The following KLHL1 variants were observed in gnomAD, a reference collection of about 807,000 sequenced individuals.
The protein encoded by KLHL1 is kelch like family member 1.
In KLHL1, 47 loss-of-function variants were observed where a neutral mutation model predicts 77.7. The observed-to-expected ratio is 0.60, with a 90% confidence interval of 0.48 to 0.77. The LOEUF is 0.77. KLHL1 is among the 30% of genes least tolerant of loss of function. KLHL1 has a pLI of 0.00. For synonymous variants in KLHL1, 360 were observed against 325.2 expected (o/e 1.11, Z -1.15); for missense variants, 925 against 910.8 (o/e 1.02, Z -0.20).
intron 1 of KLHL1, among the ~76,000 whole-genome samples, chr13:69,979,414 T>C (rs1884643794): frequency 6.6e-6 from 1 of 152,114 alleles, no homozygotes; most frequent in Non-Finnish European, 1.5e-5. Context: ...AGAATTTTAA[T>C]ATGAATTTTC....
chr13:69,885,018 G>A (rs1417576525), intron 4 of KLHL1, among the ~76,000 whole-genome samples: 1 of 140,234 alleles, frequency 7.1e-6, no homozygotes, highest in Admixed American at 7.2e-5. Context: ...TCGGCTCACT[G>A]CAAGCTCCGC....
intron 1 of KLHL1, among the ~76,000 whole-genome samples, chr13:70,080,874 G>A (rs532091613): frequency 9.2e-4 from 140 of 152,122 alleles, no homozygotes; most frequent in African/African-American, 3.2e-3. Flanking sequence ...GTGCTGGGAC[G>A]TGAGCCACCA....
In KLHL1 at chr13:69,774,671, AAC is replaced by A. The variant is rs200445733; in HGVS notation, c.1639+22065_1639+22066del. Among the ~76,000 whole-genome samples, 5 of 141,998 alleles carry A rather than the reference AAC, an allele frequency of 3.5e-5. No homozygotes were observed. In the East Asian group the frequency reaches 6.3e-4, roughly 18 times the overall value. The allele number at this position is 141,998 out of a possible 152,430, so 93.2% of individuals were successfully genotyped here. A position where few individuals can be genotyped will look rare whatever the true frequency, so the allele number is the denominator to read the frequency against. On this transcript the variant is annotated intron_variant, in intron 7 of 10. Coordinates refer to ENST00000377844, the MANE Select transcript of KLHL1 (RefSeq NM_020866.3). Reference sequence around the variant, plus strand: ...AACTTGCCTTCACTTAATAAAAAAAAACACACACACACAAGCAAGTAGAAATA... The same window carrying A: ...AACTTGCCTTCACTTAATAAAAAAAAACACACACACAAGCAAGTAGAAATA...
At chr13:70,049,760 A>G (rs1886586639) in intron 1 of KLHL1, among the ~76,000 whole-genome samples, 1 of 152,132 alleles carries the variant, frequency 6.6e-6, no homozygotes. Context: ...AAGATAAACA[A>G]TGCGGTGTTT....
intron 3 of KLHL1, among the ~76,000 whole-genome samples, chr13:69,946,494 A>AT (rs1491387402): frequency 3.4e-5 from 4 of 116,748 alleles, no homozygotes; most frequent in South Asian, 3.1e-4. Context: ...GAGGATTGTG[A>AT]TTTTTTTTCT....
At chr13:69,798,965 T>C (rs958667783) in intron 6 of KLHL1, among the ~76,000 whole-genome samples, 1 of 152,096 alleles carries the variant, frequency 6.6e-6, no homozygotes, top group Non-Finnish European at 1.5e-5. Context: ...GGCTCATGCC[T>C]GTAGTCTCAG....
At chr13:69,946,592 A>G (rs1194653892) in intron 3 of KLHL1, among the ~76,000 whole-genome samples, 3 of 152,046 alleles carry the variant, frequency 2.0e-5, no homozygotes, top group African/African-American at 7.2e-5. Flanking sequence ...AGCTCACTGC[A>G]TGCTTGAACT....
intron 7 of KLHL1, among the ~76,000 whole-genome samples, chr13:69,788,226 G>T (rs972077989): frequency 6.6e-6 from 1 of 152,182 alleles, no homozygotes; most frequent in Non-Finnish European, 1.5e-5. Flanking sequence ...GTTTATTGTG[G>T]CACTATTCAC....
chr13:69,748,918 A>G (rs902599257), intron 7 of KLHL1, among the ~76,000 whole-genome samples: 3 of 152,024 alleles, frequency 2.0e-5, no homozygotes, highest in Admixed American at 1.3e-4. Flanking sequence ...AATTAAATTA[A>G]ATTGTTTAGC....
chr13:70,002,256 G>T (rs1224119750), intron 1 of KLHL1, among the ~76,000 whole-genome samples: 1 of 151,386 alleles, frequency 6.6e-6, no homozygotes, highest in South Asian at 2.1e-4. Context: ...ATTCCAAAAT[G>T]GTCCGCATGT....
chr13:69,738,509 C>T (rs1256311517), intron 8 of KLHL1, among the ~76,000 whole-genome samples: 1 of 152,012 alleles, frequency 6.6e-6, no homozygotes, highest in African/African-American at 2.4e-5. Flanking sequence ...TGATAAAACA[C>T]TACAGGAGCT....
chr13:69,729,309 G>A (rs150871139), intron 8 of KLHL1, among the ~76,000 whole-genome samples: 92 of 152,152 alleles, frequency 6.0e-4, no homozygotes, highest in Middle Eastern at 3.4e-3. Context: ...TCTTGAATCC[G>A]TCAGAACACA....
At chr13:69,916,183 G>T (rs1344943844) in intron 4 of KLHL1, among the ~76,000 whole-genome samples, 3 of 150,024 alleles carry the variant, frequency 2.0e-5, no homozygotes, top group East Asian at 3.9e-4. Context: ...TCAGTGTGGC[G>T]ATTCCTCAGG....
Position 69,984,291 on chromosome 13 carries a change from G to A in KLHL1, c.498-8489C>T, listed in dbSNP as rs141388004. 5.9e-5 allele frequency among the ~76,000 whole-genome samples: 9 copies of A among 152,142 alleles called. No individual in the cohort carries two copies. The East Asian group carries it at 1.7e-3, about 29-fold the overall frequency. On this transcript the variant is annotated intron_variant, in intron 1 of 10. Coordinates refer to ENST00000377844, the MANE Select transcript of KLHL1 (RefSeq NM_020866.3). ...CTGAAAAAAAGCAGCCTTTAAAATC[G>A]AGCTGCAGACATAGATAAGCAAACT...
intron 7 of KLHL1, among the ~76,000 whole-genome samples, chr13:69,752,257 T>C (rs1874518998): frequency 6.6e-6 from 1 of 152,096 alleles, no homozygotes; most frequent in Non-Finnish European, 1.5e-5. Flanking sequence ...GAAGAGACTA[T>C]TGAAGGAATC....
At chr13:70,084,471 T>TTTTTTTTTA (rs1311396386) in intron 1 of KLHL1, among the ~76,000 whole-genome samples, 1 of 139,558 alleles carries the variant, frequency 7.2e-6, no homozygotes, top group Non-Finnish European at 1.6e-5. Flanking sequence ...CTTCTTTTTT[T>TTTTTTTTTA]TTTTTTGAGA....
intron 5 of KLHL1, among the ~76,000 whole-genome samples, chr13:69,870,244 A>G (rs1048727476): frequency 6.6e-6 from 1 of 152,126 alleles, no homozygotes; most frequent in Non-Finnish European, 1.5e-5. Flanking sequence ...GCTGGTGCAG[A>G]GATCACACAG....
intron 1 of KLHL1, among the ~76,000 whole-genome samples, chr13:70,006,976 T>G (rs1294367066): frequency 6.6e-6 from 1 of 152,058 alleles, no homozygotes; most frequent in Non-Finnish European, 1.5e-5. Flanking sequence ...TTGATTATAG[T>G]TAATAAAAGT....
intron 4 of KLHL1, among the ~76,000 whole-genome samples, chr13:69,887,808 C>T (rs1246888994): frequency 1.3e-5 from 2 of 152,152 alleles, no homozygotes; most frequent in Non-Finnish European, 2.9e-5. Context: ...TGAAGTCTCA[C>T]ATAAATTGCC....
Sources: allele counts gnomAD v4.1 joint callset (sites outside exome capture counted in the v4.1 genomes callset), GRCh38; gene constraint gnomAD v4.1.1; transcripts MANE v1.5; gene names NCBI Gene and HGNC (gene_info 2026-07-23, HGNC 2026-07-21).